Variants in VPS13C observed in about 807,000 individuals in gnomAD.
VPS13C encodes vacuolar protein sorting 13 homolog C.
In VPS13C, 358 loss-of-function variants were observed where a neutral mutation model predicts 456.8. The ratio of observed to expected loss-of-function variants is 0.78; its 90% CI spans 0.72 to 0.86. VPS13C has a LOEUF of 0.86. Among genes scored for constraint, VPS13C ranks in the 40% least tolerant of loss-of-function variants. VPS13C has a pLI of 0.00. For synonymous variants in VPS13C, 1,578 were observed against 1,486.7 expected (o/e 1.06, Z -1.41); for missense variants, 4,818 against 4,385.4 (o/e 1.10, Z -2.79).
At chr15:62,058,509 A>G (rs1437059352) in intron 1 of VPS13C, among the ~76,000 whole-genome samples, 2 of 152,220 alleles carry the variant, frequency 1.3e-5, no homozygotes, top group Non-Finnish European at 2.9e-5. Context: ...AAATTAAAAA[A>G]CAACAGAACA....
chr15:61,971,883 A>G (rs1212268460), intron 27 of VPS13C, among the ~76,000 whole-genome samples: 1 of 152,224 alleles, frequency 6.6e-6, no homozygotes, highest in Non-Finnish European at 1.5e-5. Flanking sequence ...TTCTGACATT[A>G]TATTTTAGGA....
At chr15:62,018,551 G>A (rs1381732523) in intron 9 of VPS13C, among the ~76,000 whole-genome samples, 1 of 151,698 alleles carries the variant, frequency 6.6e-6, no homozygotes, top group African/African-American at 2.4e-5. Flanking sequence ...TAATCATGTG[G>A]TTTTTGTCTT....
chr15:61,981,840 G>A (rs2045898229), intron 21 of VPS13C, among the ~76,000 whole-genome samples: 1 of 151,738 alleles, frequency 6.6e-6, no homozygotes, highest in Non-Finnish European at 1.5e-5. Context: ...TCCAGCCTGG[G>A]CAAAAGAGCA....
rs757600227 is a variant in VPS13C at position 62,008,664 on chromosome 15, C to T, written c.1109G>A (p.Gly370Asp). ...ACAAATTCTAACTTACCATCGTCGA[C>T]CATTGGTATGAAGTGGTAAATAAGG... ...YKPYLPLHTN[G>D]RRWWKYAIDS... is the part of the protein sequence containing the mutation. Residue 370 changes from glycine (G) to aspartate (D), a missense_variant, in exon 14 of 85, where the codon GGT becomes GAT. This residue lies in a region of VPS13C where 4,552 missense variants were observed against 4,130.6 expected (regional missense o/e 1.10). Transcript: ENST00000644861. The T allele has an allele frequency of 1.3e-6, 2 of 1,597,184 alleles. No individual in the cohort carries two copies. The highest frequency in any genetic ancestry group is 1.7e-6 in the Non-Finnish European group (2 of 1,171,688).
rs202137136 is a variant in VPS13C at position 61,950,555 on chromosome 15, C to CA, written c.4537-139dup. The CA allele has an allele frequency of 0.21, 90,538 of 436,548 alleles. 1,162 individuals are homozygous for CA. Among genetic ancestry groups the CA allele is most frequent in the East Asian group, 0.37 (9,202 of 25,182 alleles). The allele number at this position is 436,548 out of a possible 1,614,324, so 27.0% of individuals were successfully genotyped here. Reference sequence around the variant, plus strand: ...TTTCCTAAAGGCAAAGAAAGCCATTCAAAAAAAAAAAACAAAAACAAACTG... The same window carrying CA: ...TTTCCTAAAGGCAAAGAAAGCCATTCAAAAAAAAAAAAACAAAAACAAACTG... On this transcript the variant is annotated intron_variant, in intron 40 of 84. Transcript: ENST00000644861.
At chr15:61,988,800 T>A (rs1482014131) in intron 18 of VPS13C, among the ~76,000 whole-genome samples, 1 of 151,614 alleles carries the variant, frequency 6.6e-6, no homozygotes, top group Non-Finnish European at 1.5e-5. Flanking sequence ...GATAAAGAGG[T>A]AAATGGAGAG....
chr15:62,056,523 C>T (rs1431754013), intron 1 of VPS13C, among the ~76,000 whole-genome samples: 8 of 152,108 alleles, frequency 5.3e-5, no homozygotes, highest in Admixed American at 2.6e-4. Flanking sequence ...CTAGCGGTAG[C>T]GAAAAGTGTC....
chr15:62,016,020 GCTCT>G (rs146035586), intron 9 of VPS13C, among the ~76,000 whole-genome samples: 16 of 142,610 alleles, frequency 1.1e-4, no homozygotes, highest in Admixed American at 2.8e-4. Context: ...TGTTTCTTCA[GCTCT>G]CTCTTTTTCT....
At chr15:62,059,010 T>C (rs2048898526) in intron 1 of VPS13C, among the ~76,000 whole-genome samples, 2 of 151,086 alleles carry the variant, frequency 1.3e-5, no homozygotes, top group African/African-American at 4.9e-5. Context: ...ATATGTTCCA[T>C]ATACGTAATT....
At chr15:61,927,065 A>G in intron 52 of VPS13C, 26 bp downstream of exon 52, 2 of 1,597,544 alleles carry the variant, frequency 1.3e-6, no homozygotes, top group Non-Finnish European at 1.7e-6. Flanking sequence ...CTTCAACCCA[A>G]GATTAGGACA....
Position 61,863,450 on chromosome 15 carries a change from C to A in VPS13C, c.10942G>T (p.Val3648Phe). 6.2e-7 allele frequency: 1 copy of A among 1,611,654 alleles called. No homozygotes were observed. The highest frequency in any genetic ancestry group is 2.2e-5 in the East Asian group (1 of 44,726). Residue 3648 changes from valine to phenylalanine, a missense_variant, in exon 82 of 85, where the codon GTT becomes TTT. By Grantham distance (50) the Val-to-Phe change is conservative (BLOSUM62 -1). This residue lies in a region of VPS13C where 261 missense variants were observed against 234.1 expected (regional missense o/e 1.11). Transcript: ENST00000644861. ...ACTTCAAGTCAGTACCTATTTGTAA[C>A]CATAAGGATTGTCTTCTTGCTTCCA... ...IPGSKKTILM[V>F]TNRRVLCIKE...
intron 66 of VPS13C, among the ~76,000 whole-genome samples, chr15:61,900,104 G>T (rs1023784924): frequency 6.6e-6 from 1 of 152,010 alleles, no homozygotes; most frequent in African/African-American, 2.4e-5. Context: ...GTATTGATGG[G>T]ACGTATTTCA....
At chr15:62,002,400 T>C (rs2046657427) in intron 15 of VPS13C, among the ~76,000 whole-genome samples, 1 of 152,200 alleles carries the variant, frequency 6.6e-6, no homozygotes, top group South Asian at 2.1e-4. Context: ...TTTGAGTTCA[T>C]TATAGATTCT....
chr15:61,982,577 TA>T lies in VPS13C; in HGVS notation c.1915-5del. The T allele has an allele frequency of 6.3e-7, 1 of 1,592,636 alleles. No individual in the cohort carries two copies. The stretch of plus-strand genomic sequence containing the variant: ...CAACCACTGCATTGACAGTTTTCTA[TA>T]AGAAAATTTTTTTAACATAACCAAG... On this transcript the variant is annotated splice_region_variant and splice_polypyrimidine_tract_variant and intron_variant, in intron 20 of 84. Coordinates refer to ENST00000644861, the MANE Select transcript of VPS13C (RefSeq NM_020821.3).
chr15:62,014,446 G>A (rs775898613), intron 9 of VPS13C, among the ~76,000 whole-genome samples: 9 of 152,118 alleles, frequency 5.9e-5, no homozygotes, highest in African/African-American at 1.4e-4. Context: ...CAGCAAGGGC[G>A]TTATTGAGAA....
intron 64 of VPS13C, among the ~76,000 whole-genome samples, chr15:61,909,946 G>A (rs941485663): frequency 7.4e-6 from 1 of 135,276 alleles, no homozygotes; most frequent in Non-Finnish European, 1.6e-5. Flanking sequence ...TTGGACACAG[G>A]AAGGGGAACA....
At position 61,959,438 on chromosome 15, in the gene VPS13C, A is replaced by G. The variant is rs780983108; in HGVS notation, c.4056+10T>C. ...CAACAATGAAGTTTTTTCTTCACTCATATACTTACATTCATTGAATCAAGA... is the reference window on the plus strand; with the variant it reads ...CAACAATGAAGTTTTTTCTTCACTCGTATACTTACATTCATTGAATCAAGA... On this transcript the variant is annotated intron_variant, in intron 36 of 84. Coordinates refer to ENST00000644861, the MANE Select transcript of VPS13C (RefSeq NM_020821.3). 2 of 1,603,544 alleles carry G rather than the reference A, an allele frequency of 1.2e-6. No homozygotes were observed. The highest frequency in any genetic ancestry group is 2.7e-5 in the African/African-American group (2 of 74,702).
chr15:61,891,441 T>C (rs2042647375), intron 66 of VPS13C, among the ~76,000 whole-genome samples: 1 of 152,198 alleles, frequency 6.6e-6, no homozygotes. Context: ...TGCCCAATTT[T>C]TTTACTCTAA....
chr15:61,867,414 A>G lies in VPS13C; in HGVS notation c.10863+1245T>C. Reference sequence around the variant, plus strand: ...TTACTTGAGGTCTAAGGGCAGGCTCAGAGCAACTGACAATTCAATTATTAA... The same window carrying G: ...TTACTTGAGGTCTAAGGGCAGGCTCGGAGCAACTGACAATTCAATTATTAA... On this transcript the variant is annotated intron_variant, in intron 81 of 84. Transcript: ENST00000644861. The surrounding 1 kb of genome is among the most constrained non-coding windows in gnomAD (Gnocchi z 5.0). 1 of 986,406 alleles carries G rather than the reference A, an allele frequency of 1.0e-6. No individual in the cohort carries two copies. Among genetic ancestry groups the G allele is most frequent in the Non-Finnish European group, 1.2e-6 (1 of 830,682 alleles). The allele number at this position is 986,406 out of a possible 1,614,324, so 61.1% of individuals were successfully genotyped here.
Sources: allele counts gnomAD v4.1 joint callset (sites outside exome capture counted in the v4.1 genomes callset), GRCh38; gene constraint gnomAD v4.1.1; regional missense constraint gnomAD v4.1.1; non-coding constraint Gnocchi (gnomAD v3.1); transcripts MANE v1.5; gene names NCBI Gene and HGNC (gene_info 2026-07-23, HGNC 2026-07-21).